Variants in SLC16A7 observed in about 807,000 individuals in gnomAD.
The protein encoded by SLC16A7 is solute carrier family 16 member 7.
A neutral mutation model predicts 34.9 loss-of-function variants in SLC16A7; 33 were observed. That is an observed-to-expected ratio of 0.94 (90% CI 0.72 to 1.26). The LOEUF is 1.26. SLC16A7 is among the 50% of genes most tolerant of loss of function. The pLI, the probability that SLC16A7 is intolerant of heterozygous loss-of-function variation, is 0.00. For synonymous variants in SLC16A7, 201 were observed against 206.6 expected, an observed-to-expected ratio of 0.97 and a Z score of 0.23; for missense variants, 573 against 578.1, an observed-to-expected ratio of 0.99 and a Z score of 0.09.
chr12:59,674,542 GA>G (rs1471966279), intron 2 of SLC16A7, among the ~76,000 whole-genome samples: 1 of 152,148 alleles, frequency 6.6e-6, no homozygotes, highest in African/African-American at 2.4e-5. Context: ...GAAAGCAGAG[GA>G]AATCTGAACT....
At chr12:59,639,918 TC>T (rs1880600008) in intron 1 of SLC16A7, among the ~76,000 whole-genome samples, 1 of 152,120 alleles carries the variant, frequency 6.6e-6, no homozygotes, top group Admixed American at 6.6e-5. Flanking sequence ...TCCCCAGATC[TC>T]CCACAACTTC....
At chr12:59,758,026 G>A (rs1227140198) in intron 3 of SLC16A7, among the ~76,000 whole-genome samples, 5 of 152,020 alleles carry the variant, frequency 3.3e-5, no homozygotes, top group Non-Finnish European at 1.5e-5. Flanking sequence ...TGACAAATAA[G>A]TATTACATAC....
At chr12:59,621,119 AT>A (rs529978775) in intron 1 of SLC16A7, among the ~76,000 whole-genome samples, 50 of 151,914 alleles carry the variant, frequency 3.3e-4, no homozygotes, top group Middle Eastern at 3.4e-3. Flanking sequence ...CTAGACTGCT[AT>A]TTTTTTGGTA....
At chr12:59,713,200 G>C (rs1430496494) in intron 3 of SLC16A7, among the ~76,000 whole-genome samples, 1 of 151,578 alleles carries the variant, frequency 6.6e-6, no homozygotes, top group African/African-American at 2.4e-5. Flanking sequence ...TTGTATTTTT[G>C]ATAGAGACAG....
chr12:59,701,671 C>A (rs533041399), intron 2 of SLC16A7, among the ~76,000 whole-genome samples: 2 of 151,814 alleles, frequency 1.3e-5, no homozygotes, highest in South Asian at 2.1e-4. Context: ...TGAGTCTGCA[C>A]ACACCTCTTT....
chr12:59,712,698 C>G (rs534532198), intron 3 of SLC16A7, among the ~76,000 whole-genome samples: 1 of 152,150 alleles, frequency 6.6e-6, no homozygotes, highest in East Asian at 1.9e-4. Context: ...AAACTAGTGT[C>G]AGTGTTTAGG....
chr12:59,739,947 C>T (rs1442296283), intron 3 of SLC16A7, among the ~76,000 whole-genome samples: 1 of 152,022 alleles, frequency 6.6e-6, no homozygotes, highest in Non-Finnish European at 1.5e-5. Flanking sequence ...GATATTAGCC[C>T]TTTGTCAGAT....
intron 2 of SLC16A7, among the ~76,000 whole-genome samples, chr12:59,689,632 T>C (rs1290043503): frequency 6.6e-6 from 1 of 151,962 alleles, no homozygotes; most frequent in Non-Finnish European, 1.5e-5. Flanking sequence ...CATTTTAATA[T>C]AAAAGTCAGA....
At chr12:59,699,596 G>C (rs1021425781) in intron 2 of SLC16A7, among the ~76,000 whole-genome samples, 4 of 151,630 alleles carry the variant, frequency 2.6e-5, no homozygotes, top group African/African-American at 9.7e-5. Flanking sequence ...ATGTTCATAG[G>C]AGTATAATGA....
At chr12:59,603,815 G>A (rs1389107606) in intron 1 of SLC16A7, among the ~76,000 whole-genome samples, 3 of 152,136 alleles carry the variant, frequency 2.0e-5, no homozygotes, top group Non-Finnish European at 4.4e-5. Context: ...ACTTTTATGT[G>A]TTGTTTTCAT....
intron 2 of SLC16A7, among the ~76,000 whole-genome samples, chr12:59,702,052 G>A (rs1299248845): frequency 2.6e-5 from 4 of 151,484 alleles, no homozygotes; most frequent in Admixed American, 6.6e-5. Context: ...AATGTCCTTC[G>A]GTATTTCCTC....
intron 2 of SLC16A7, among the ~76,000 whole-genome samples, chr12:59,685,270 C>A (rs1264642429): frequency 1.3e-5 from 2 of 152,076 alleles, no homozygotes; most frequent in Non-Finnish European, 2.9e-5. Flanking sequence ...ATAACAAATT[C>A]TAAATATAAG....
chr12:59,690,094 A>G, intron 2 of SLC16A7, among the ~76,000 whole-genome samples: 1 of 152,004 alleles, frequency 6.6e-6, no homozygotes, highest in East Asian at 1.9e-4. Context: ...AAAACGGGAT[A>G]TACACACAAT....
Position 59,615,964 on chromosome 12 carries a change from G to A in SLC16A7, c.-130+19728G>A, listed in dbSNP as rs138168962. On this transcript the variant is annotated intron_variant, in intron 1 of 5. Coordinates refer to ENST00000547379, the MANE Select transcript of SLC16A7 (RefSeq NM_001270623.2). ...TGGCATCAACTCTGGCCAGGACCTG[G>A]TGACTGTTCCCTGTAATGCCCTTCA... is the stretch of plus-strand genomic sequence containing the variant. Among the ~76,000 whole-genome samples the A allele has an allele frequency of 4.5e-3, 682 of 152,276 alleles. 2 individuals are homozygous for A. The highest frequency in any genetic ancestry group is 0.016 in the African/African-American group (655 of 41,554).
chr12:59,724,449 A>G (rs1437548045), intron 3 of SLC16A7, among the ~76,000 whole-genome samples: 1 of 151,998 alleles, frequency 6.6e-6, no homozygotes, highest in Non-Finnish European at 1.5e-5. Context: ...TGAACTTGCT[A>G]ATCTGCTGTA....
At chr12:59,749,656 T>G (rs948148875) in intron 3 of SLC16A7, among the ~76,000 whole-genome samples, 2 of 152,168 alleles carry the variant, frequency 1.3e-5, no homozygotes, top group Admixed American at 6.5e-5. Context: ...GAAGATGTCG[T>G]TATTGTTATA....
chr12:59,618,162 T>C (rs1221542028), intron 1 of SLC16A7, among the ~76,000 whole-genome samples: 1 of 151,916 alleles, frequency 6.6e-6, no homozygotes, highest in Non-Finnish European at 1.5e-5. Flanking sequence ...CATAGTATTA[T>C]AGCTTATATT....
chr12:59,606,874 TTATA>T (rs1490270378), intron 1 of SLC16A7, among the ~76,000 whole-genome samples: 1 of 150,110 alleles, frequency 6.7e-6, no homozygotes, highest in Admixed American at 6.7e-5. Flanking sequence ...GTGTGTGTGA[TTATA>T]TATATACACA....
intron 3 of SLC16A7, among the ~76,000 whole-genome samples, chr12:59,726,740 C>T (rs73111834): frequency 1.3e-5 from 2 of 152,002 alleles, no homozygotes; most frequent in African/African-American, 4.8e-5. Context: ...TTTCAGGTCA[C>T]GTTTTTCCTT....
Sources: gnomAD v4.1 joint callset for allele counts (sites outside exome capture counted in the v4.1 genomes callset) on GRCh38, gnomAD v4.1.1 for gene constraint, MANE v1.5 for transcripts, NCBI Gene and HGNC (gene_info 2026-07-23, HGNC 2026-07-21) for gene names.